ASIC2: variants seen among roughly 807,000 people sequenced by gnomAD.
ASIC2 encodes the protein acid sensing ion channel subunit 2, also known as acid-sensing ion channel 2.
In ASIC2, 25 loss-of-function variants were observed where a neutral mutation model predicts 57.3. The ratio of observed to expected loss-of-function variants is 0.44; its 90% CI spans 0.32 to 0.61. The LOEUF is 0.61. Ranked by LOEUF, ASIC2 falls within the 20% of genes least tolerant of loss-of-function variation. The pLI is 0.06. For synonymous variants in ASIC2, 319 were observed against 307.5 expected (o/e 1.04, Z -0.39); for missense variants, 641 against 738.1 (o/e 0.87, Z 1.52).
In ASIC2 at chr17:33,360,496, T is replaced by C. The variant is rs73982761; in HGVS notation, c.556-248429A>G. Among the ~76,000 whole-genome samples, 489 of 152,320 alleles carry C rather than the reference T, an allele frequency of 3.2e-3. 5 individuals are homozygous for C. The highest frequency in any genetic ancestry group is 0.011 in the African/African-American group (460 of 41,588). On this transcript the variant is annotated intron_variant, in intron 1 of 9. Coordinates refer to the ASIC2 transcript ENST00000359872. The stretch of plus-strand genomic sequence containing the variant: ...GCTTCTCTCTGAATACCCTTGCCTC[T>C]GCCTGTAGCCCACCTCCTCCCTGCC...
At chr17:33,242,809 T>G (rs1250917205) in intron 1 of ASIC2, among the ~76,000 whole-genome samples, 1 of 152,208 alleles carries the variant, frequency 6.6e-6, no homozygotes, top group African/African-American at 2.4e-5. Flanking sequence ...TTAAGGTTCT[T>G]TCCAGGGCAC....
intron 1 of ASIC2, among the ~76,000 whole-genome samples, chr17:34,047,506 CAG>C (rs532343778): frequency 0.078 from 5,294 of 68,098 alleles, 591 homozygotes; most frequent in African/African-American, 0.18. Flanking sequence ...CACCTTTCTC[CAG>C]AAAAAAAAAA....
intron 1 of ASIC2, among the ~76,000 whole-genome samples, chr17:33,167,208 G>C (rs1905338541): frequency 6.6e-6 from 1 of 151,846 alleles, no homozygotes; most frequent in South Asian, 2.1e-4. Context: ...CCAGCCCCTG[G>C]TCCCATCAAA....
At chr17:33,088,505 C>T (rs973349495) in intron 3 of ASIC2, among the ~76,000 whole-genome samples, 8 of 151,908 alleles carry the variant, frequency 5.3e-5, no homozygotes, top group South Asian at 2.1e-4. Context: ...ATTGTATTAA[C>T]GCAAGTGATG....
intron 1 of ASIC2, among the ~76,000 whole-genome samples, chr17:33,238,014 AC>A (rs1391240945): frequency 2.0e-5 from 3 of 152,194 alleles, no homozygotes; most frequent in Admixed American, 2.0e-4. Context: ...TTTACAAACG[AC>A]GAAACAGGAT....
chr17:33,963,640 TATATA>T lies in ASIC2; in HGVS notation c.555+192333_555+192337del, dbSNP rs553203657. Among the ~76,000 whole-genome samples the T allele has an allele frequency of 6.6e-5, 10 of 151,724 alleles. No homozygotes were observed. The South Asian group carries it at 1.9e-3, about 28-fold the overall frequency. ...TATATATTATGTATATTCCATATAA[TATATA>T]ATAATATGCATAATATATATCACCA... On this transcript the variant is annotated intron_variant, in intron 1 of 9. Coordinates refer to the ASIC2 transcript ENST00000359872.
intron 2 of ASIC2, among the ~76,000 whole-genome samples, chr17:33,090,107 G>A (rs201718732): frequency 2.6e-5 from 4 of 152,102 alleles, no homozygotes; most frequent in African/African-American, 7.2e-5. Context: ...GGCACCATGC[G>A]GGGCTGCCTG....
chr17:33,526,256 G>A (rs150353821), intron 1 of ASIC2, among the ~76,000 whole-genome samples: 1 of 152,118 alleles, frequency 6.6e-6, no homozygotes. Flanking sequence ...TCTCTCAGAC[G>A]CTTTTCTTTC....
At chr17:33,771,730 TA>T (rs1911119918) in intron 1 of ASIC2, among the ~76,000 whole-genome samples, 1 of 152,252 alleles carries the variant, frequency 6.6e-6, no homozygotes, top group Non-Finnish European at 1.5e-5. Flanking sequence ...TTCATTTTTT[TA>T]ATTGATACAT....
At chr17:33,859,643 G>A (rs1914054101) in intron 1 of ASIC2, among the ~76,000 whole-genome samples, 1 of 152,210 alleles carries the variant, frequency 6.6e-6, no homozygotes, top group Non-Finnish European at 1.5e-5. Flanking sequence ...AGCTGGCAGT[G>A]AAAGAGGCCA....
At chr17:33,130,809 T>C (rs967593666) in intron 1 of ASIC2, among the ~76,000 whole-genome samples, 1 of 152,030 alleles carries the variant, frequency 6.6e-6, no homozygotes, top group African/African-American at 2.4e-5. Context: ...AGGGCAGACA[T>C]CTAAGGGCCC....
At chr17:34,057,967 C>T (rs1597998485) in intron 1 of ASIC2, among the ~76,000 whole-genome samples, 2 of 152,246 alleles carry the variant, frequency 1.3e-5, no homozygotes, top group African/African-American at 4.8e-5. Context: ...TAGTCCCAGA[C>T]ATTTTGACAC....
At chr17:33,280,114 C>T (rs1319693451) in intron 1 of ASIC2, among the ~76,000 whole-genome samples, 1 of 152,066 alleles carries the variant, frequency 6.6e-6, no homozygotes, top group Admixed American at 6.6e-5. Context: ...GCCCCATTTT[C>T]GTCTTTCCCC....
intron 1 of ASIC2, among the ~76,000 whole-genome samples, chr17:33,819,604 T>A (rs374529200): frequency 1.1e-4 from 17 of 152,334 alleles, no homozygotes; most frequent in South Asian, 2.1e-4. Flanking sequence ...AAGTGCAACA[T>A]CAGGGATCAT....
intron 1 of ASIC2, among the ~76,000 whole-genome samples, chr17:33,992,519 A>G (rs1322912676): frequency 6.6e-6 from 1 of 152,150 alleles, no homozygotes; most frequent in African/African-American, 2.4e-5. Flanking sequence ...TCTTTTCCCA[A>G]AGAGTCTCTG....
At chr17:33,758,197 T>A (rs1292082388) in intron 1 of ASIC2, among the ~76,000 whole-genome samples, 1 of 152,192 alleles carries the variant, frequency 6.6e-6, no homozygotes, top group African/African-American at 2.4e-5. Context: ...TATATGTGTG[T>A]GTAGGTACTG....
rs549308926 is a variant in ASIC2, at chr17:33,788,460, G to A, written c.555+367518C>T. ...ATGCTTTTACACTGTTGGTGGGAAT[G>A]TAAATTAGTTCAACCAGAGTGGAAG... is the stretch of plus-strand genomic sequence containing the variant. On this transcript the variant is annotated intron_variant, in intron 1 of 9. Coordinates refer to the ASIC2 transcript ENST00000359872. Among the ~76,000 whole-genome samples, 6 of 152,290 alleles carry A rather than the reference G, an allele frequency of 3.9e-5. No individual in the cohort carries two copies. In the South Asian group the frequency reaches 1.2e-3, roughly 32 times the overall value.
chr17:33,754,414 C>T (rs1910525940), intron 1 of ASIC2, among the ~76,000 whole-genome samples: 1 of 152,052 alleles, frequency 6.6e-6, no homozygotes, highest in South Asian at 2.1e-4. Flanking sequence ...CCTAAGGCCT[C>T]CTAGCTCTAA....
chr17:33,346,969 G>A (rs1209541027), intron 1 of ASIC2, among the ~76,000 whole-genome samples: 1 of 152,194 alleles, frequency 6.6e-6, no homozygotes, highest in Non-Finnish European at 1.5e-5. Context: ...AAGTTTTGCT[G>A]TGAAGAGAAA....
Sources: gnomAD v4.1 joint callset for allele counts (sites outside exome capture counted in the v4.1 genomes callset) on GRCh38, gnomAD v4.1.1 for gene constraint, MANE v1.5 for transcripts, NCBI Gene and HGNC (gene_info 2026-07-23, HGNC 2026-07-21) for gene names.